The following HMCN1 variants were observed in gnomAD, a reference collection of about 807,000 sequenced individuals.
The protein encoded by HMCN1 is hemicentin-1.
In HMCN1, 321 loss-of-function variants were observed where a neutral mutation model predicts 625.9. That is an observed-to-expected ratio of 0.51 (90% CI 0.47 to 0.56). The LOEUF (loss-of-function observed/expected upper bound fraction) is 0.56. HMCN1 is among the 20% of genes least tolerant of loss of function. HMCN1 has a pLI of 0.00. For synonymous variants in HMCN1, 2,425 were observed against 2,417.6 expected (o/e 1.00, Z -0.09); for missense variants, 6,588 against 6,887.3 (o/e 0.96, Z 1.54).
intron 6 of HMCN1, among the ~76,000 whole-genome samples, chr1:185,921,120 A>G (rs906120072): frequency 2.0e-5 from 3 of 152,336 alleles, no homozygotes; most frequent in Middle Eastern, 3.4e-3. Context: ...ATTGACAAAT[A>G]ATGGGATAAG....
intron 5 of HMCN1, among the ~76,000 whole-genome samples, chr1:185,910,816 A>C (rs1242634322): frequency 2.0e-5 from 3 of 151,870 alleles, no homozygotes; most frequent in Admixed American, 1.3e-4. Context: ...TGATCTGCCC[A>C]CCTCGGCCTC....
chr1:186,146,005 T>C (rs1249002255), intron 93 of HMCN1, 82 bp downstream of exon 93: 2 of 1,374,078 alleles, frequency 1.5e-6, no homozygotes, highest in African/African-American at 2.9e-5. Flanking sequence ...TACAAAACAA[T>C]GCCAACCCTG....
chr1:185,976,032 T>C (rs1479467621), intron 15 of HMCN1, among the ~76,000 whole-genome samples: 3 of 152,146 alleles, frequency 2.0e-5, no homozygotes, highest in Non-Finnish European at 2.9e-5. Context: ...GATAAAAATA[T>C]GGTTACAAAT....
At chr1:185,750,456 TG>T (rs1654726869) in intron 1 of HMCN1, among the ~76,000 whole-genome samples, 1 of 152,192 alleles carries the variant, frequency 6.6e-6, no homozygotes, top group Non-Finnish European at 1.5e-5. Context: ...AATTTCTCTT[TG>T]TAATTCCAGT....
intron 56 of HMCN1, among the ~76,000 whole-genome samples, chr1:186,082,135 T>G (rs542077106): frequency 6.6e-6 from 1 of 152,318 alleles, no homozygotes; most frequent in East Asian, 1.9e-4. Flanking sequence ...CCAAAATACT[T>G]CAATGGTTCT....
chr1:185,910,575 T>C (rs983999844), intron 5 of HMCN1, among the ~76,000 whole-genome samples: 5 of 149,090 alleles, frequency 3.4e-5, no homozygotes, highest in African/African-American at 9.9e-5. Context: ...CTTCCTTCTT[T>C]TTTTTTTTTT....
Position 186,016,243 on chromosome 1 carries a change from A to T in HMCN1, c.5191+4A>T, listed in dbSNP as rs1479029316. The T allele has an allele frequency of 1.2e-6, 2 of 1,611,264 alleles. No individual in the cohort carries two copies. Among genetic ancestry groups the T allele is most frequent in the East Asian group, 2.2e-5 (1 of 44,788 alleles). On this transcript the variant is annotated splice_donor_region_variant and intron_variant, in intron 32 of 106. Coordinates refer to ENST00000271588, the MANE Select transcript of HMCN1 (RefSeq NM_031935.3). Reference sequence around the variant, plus strand: ...AAATATGAAGTTGATGTCTTGGGTAAATAAGGATGCCACTGCCTGGGTTCT... The same window carrying T: ...AAATATGAAGTTGATGTCTTGGGTATATAAGGATGCCACTGCCTGGGTTCT...
rs867741034 is a variant in HMCN1 at position 186,087,949 on chromosome 1, G to A, written c.9381G>A (p.Gln3127=). 2 of 1,612,766 alleles carry A rather than the reference G, an allele frequency of 1.2e-6. No individual in the cohort carries two copies. The highest frequency in any genetic ancestry group is 1.7e-6 in the Non-Finnish European group (2 of 1,179,216). Residue 3127 remains glutamine (Q), a synonymous_variant, in exon 61 of 107, where the codon CAG becomes CAA. Transcript: ENST00000271588. ...TCTTTTAGGTATCTGACACAGGCCA[G>A]TATGTATGTAGAGCTATAAATGTAG... ...IKKAEVSDTG[Q]YVCRAINVAG...
intron 1 of HMCN1, among the ~76,000 whole-genome samples, chr1:185,795,400 G>A (rs1021632417): frequency 2.0e-5 from 3 of 151,952 alleles, no homozygotes; most frequent in African/African-American, 7.2e-5. Context: ...TTTCCCAAGA[G>A]CTGCATGTTG....
chr1:186,112,877 T>A lies in HMCN1; in HGVS notation c.11055T>A (p.Gly3685=). The change falls in exon 72 of 107, where the codon GGT becomes GGA. Residue 3685 remains glycine, a synonymous_variant. Coordinates refer to ENST00000271588, the MANE Select transcript of HMCN1 (RefSeq NM_031935.3). Reference sequence around the variant, plus strand: ...TGCAAATCAACAATGCTGACCTAGGTGATACAGCCAATTATACCTGTGTTG... The same window carrying A: ...TGCAAATCAACAATGCTGACCTAGGAGATACAGCCAATTATACCTGTGTTG... ...RYLQINNADL[G]DTANYTCVAS... 6.2e-7 allele frequency: 1 copy of A among 1,614,162 alleles called. No homozygotes were observed. Among genetic ancestry groups the A allele is most frequent in the Non-Finnish European group, 8.5e-7 (1 of 1,180,008 alleles).
chr1:186,046,923 C>A (rs1488902564), intron 41 of HMCN1, among the ~76,000 whole-genome samples: 2 of 152,176 alleles, frequency 1.3e-5, no homozygotes, highest in East Asian at 3.9e-4. Flanking sequence ...GGTAAGTAAT[C>A]TGCCCACAGT....
chr1:185,894,884 A>C (rs1665398205), intron 4 of HMCN1, among the ~76,000 whole-genome samples: 1 of 151,980 alleles, frequency 6.6e-6, no homozygotes, highest in Non-Finnish European at 1.5e-5. Flanking sequence ...TTTTCCTGAC[A>C]CGGTAGTTTG....
chr1:186,065,893 T>C (rs544263916), intron 49 of HMCN1, among the ~76,000 whole-genome samples: 1 of 152,354 alleles, frequency 6.6e-6, no homozygotes, highest in East Asian at 1.9e-4. Flanking sequence ...AATAGATTTT[T>C]AACTTGTGCT....
Position 186,069,686 on chromosome 1 carries a change from A to G in HMCN1, c.7903A>G (p.Asn2635Asp), listed in dbSNP as rs748010264. 15 of 1,612,588 alleles carry G rather than the reference A, an allele frequency of 9.3e-6. 1 individual carries two copies. In the African/African-American group the frequency reaches 9.3e-5, roughly 10 times the overall value. The change falls in exon 51 of 107, where the codon AAT becomes GAT. Residue 2635 changes from asparagine (N) to aspartate (D), a missense_variant. Coordinates refer to ENST00000271588, the MANE Select transcript of HMCN1 (RefSeq NM_031935.3). ...AGGAGGCAGAACTCTGCAGATCCTC[A>G]ATGCACAGGAGGACAATGCTGGAAG... The part of the protein sequence containing the change: ...LPGGRTLQIL[N>D]AQEDNAGRYS...
chr1:185,997,646 T>C lies in HMCN1; in HGVS notation c.3874+122T>C, dbSNP rs1652894392. ...CAATCCTTGGTAGAACATTTGAGCA[T>C]AATAGAAACTAACCCATTTTTCAGA... is the stretch of plus-strand genomic sequence containing the variant. On this transcript the variant is annotated intron_variant, in intron 25 of 106. Transcript: ENST00000271588. 9.6e-6 allele frequency: 7 copies of C among 726,050 alleles called. No individual in the cohort carries two copies. The South Asian group carries it at 1.1e-4, about 11-fold the overall frequency. The allele number at this position is 726,050 out of a possible 1,614,324, so 45.0% of individuals were successfully genotyped here.
chr1:185,837,010 G>GTA (rs1318876143), intron 1 of HMCN1, among the ~76,000 whole-genome samples: 1 of 148,348 alleles, frequency 6.7e-6, no homozygotes, highest in African/African-American at 2.5e-5. Context: ...TCCATGGTGT[G>GTA]TGTGTGTGTG....
Position 186,145,586 on chromosome 1 carries a change from A to G in HMCN1, c.14437+13A>G, listed in dbSNP as rs765356133. 11 of 1,613,504 alleles carry G rather than the reference A, an allele frequency of 6.8e-6. No homozygotes were observed. Among genetic ancestry groups the G allele is most frequent in the Non-Finnish European group, 8.5e-6 (10 of 1,179,752 alleles). Reference sequence around the variant, plus strand: ...GACATGTGTCCTGGTGAGCCTCTTGATTTCTGGCAGTTGAATAAGTAAAGC... The same window carrying G: ...GACATGTGTCCTGGTGAGCCTCTTGGTTTCTGGCAGTTGAATAAGTAAAGC... On this transcript the variant is annotated intron_variant, in intron 92 of 106. Coordinates refer to ENST00000271588, the MANE Select transcript of HMCN1 (RefSeq NM_031935.3).
At position 185,928,553 on chromosome 1, in the gene HMCN1, G is replaced by C; in HGVS notation, c.1438G>C (p.Ala480Pro). 1 of 1,612,954 alleles carries C rather than the reference G, an allele frequency of 6.2e-7. No homozygotes were observed. The highest frequency in any genetic ancestry group is 8.5e-7 in the Non-Finnish European group (1 of 1,179,054). Residue 480 changes from alanine (A) to proline (P), a missense_variant, in exon 10 of 107, where the codon GCC becomes CCC. Physicochemically the swap from Ala to Pro is conservative, Grantham distance 27. Coordinates refer to ENST00000271588, the MANE Select transcript of HMCN1 (RefSeq NM_031935.3). ...CCATTTTCTTACCTCCAGAGAATCTGCCAGTGTGAACTTAGATATTGCAAA... is the reference window on the plus strand; with the variant it reads ...CCATTTTCTTACCTCCAGAGAATCTCCCAGTGTGAACTTAGATATTGCAAA... Reference protein sequence around the residue: ...LGVDQYLKESASVNLDIAKVT... With the variant: ...LGVDQYLKESPSVNLDIAKVT...
rs1660082301 is a variant in HMCN1 at position 186,095,405 on chromosome 1, C to T, written c.10457C>T (p.Thr3486Ile). 1 of 1,613,716 alleles carries T rather than the reference C, an allele frequency of 6.2e-7. No individual in the cohort carries two copies. ...LGLDAHLTVS[T>I]HGMVLQLLKA... ...CTTGATGCCCATCTGACAGTCAGCA[C>T]CCATGGAATGGTCCTGCAGCTCCTC... is the stretch of plus-strand genomic sequence containing the variant. Residue 3486 changes from threonine (T) to isoleucine (I), a missense_variant, in exon 68 of 107, where the codon ACC becomes ATC. Physicochemically the swap from Thr to Ile is moderately conservative, Grantham distance 89. This residue lies in a region of HMCN1 where 4,628 missense variants were observed against 4,853.1 expected (regional missense o/e 0.95). Coordinates refer to ENST00000271588, the MANE Select transcript of HMCN1 (RefSeq NM_031935.3).
Sources: allele counts gnomAD v4.1 joint callset (sites outside exome capture counted in the v4.1 genomes callset), GRCh38; gene constraint gnomAD v4.1.1; regional missense constraint gnomAD v4.1.1; transcripts MANE v1.5; gene names NCBI Gene and HGNC (gene_info 2026-07-23, HGNC 2026-07-21).